The following CDC34 variants were observed in gnomAD, a reference collection of about 807,000 sequenced individuals.
The protein encoded by CDC34 is cell division cycle 34, ubiquitin conjugating enzyme.
In CDC34, 18 loss-of-function variants were observed where a neutral mutation model predicts 26.8. The ratio of observed to expected loss-of-function variants is 0.67; its 90% CI spans 0.47 to 1.00. CDC34 has a LOEUF of 1.00. Ranked by LOEUF, CDC34 falls within the 50% of genes least tolerant of loss-of-function variation. The pLI, the probability that CDC34 is intolerant of heterozygous loss-of-function variation, is 0.00. For missense variants in CDC34, 280 were observed against 334.5 expected (o/e 0.84, Z 1.27); for synonymous variants, 178 against 147.5 (o/e 1.21, Z -1.50).
intron 1 of CDC34, among the ~76,000 whole-genome samples, chr19:533,986 C>T (rs6510824): frequency 0.79 from 119,563 of 152,204 alleles, 47,625 homozygotes; most frequent in East Asian, 0.93. Flanking sequence ...CCAGAGAGAG[C>T]CCTCCACAGC....
At chr19:532,705 C>G (rs1167888458) in intron 1 of CDC34, among the ~76,000 whole-genome samples, 1 of 152,254 alleles carries the variant, frequency 6.6e-6, no homozygotes, top group African/African-American at 2.4e-5. Flanking sequence ...AGCCAGGACC[C>G]GCCTGGAAAG....
At chr19:538,986 C>T (rs1979890624) in intron 4 of CDC34, 2 of 985,346 alleles carry the variant, frequency 2.0e-6, no homozygotes, top group Non-Finnish European at 2.4e-6. Flanking sequence ...GCACCACCTC[C>T]TTGAGATCCC....
chr19:540,943 T>G (rs1190418337), intron 4 of CDC34, among the ~76,000 whole-genome samples: 1 of 152,186 alleles, frequency 6.6e-6, no homozygotes, highest in Admixed American at 6.5e-5. Context: ...CTGCCTCCTG[T>G]CCTTGGGCCC....
Position 541,423 on chromosome 19 carries a change from C to G in CDC34, c.582C>G (p.Thr194=), listed in dbSNP as rs750860829. The G allele has an allele frequency of 1.8e-5, 29 of 1,612,490 alleles. No homozygotes were observed. The highest frequency in any genetic ancestry group is 2.4e-5 in the Non-Finnish European group (28 of 1,179,874). The change falls in exon 5 of 5, where the codon ACC becomes ACG. Residue 194 remains threonine, a synonymous_variant. Transcript: ENST00000215574. ...CGCTGGCCGAGTACTGCGTGAAGAC[C>G]AAGGCGCCGGCGCCCGACGAGGGCT... ...PTTLAEYCVK[T]KAPAPDEGSD...
chr19:537,502 G>A (rs1192401629), intron 4 of CDC34, among the ~76,000 whole-genome samples: 4 of 151,916 alleles, frequency 2.6e-5, no homozygotes, highest in African/African-American at 4.8e-5. Context: ...ACAGGCGCCC[G>A]TCACCACGCC....
At position 541,593 on chromosome 19, in the gene CDC34, C is replaced by G; in HGVS notation, c.*41C>G. ...CTTGCCGAGTTTACCTCACTAGGGC[C>G]GGACCCGTGGCTCCTTAGACGACAG... is the stretch of plus-strand genomic sequence containing the variant. On this transcript the variant is annotated 3_prime_UTR_variant, in exon 5 of 5. Transcript: ENST00000215574. 5 of 1,521,062 alleles carry G rather than the reference C, an allele frequency of 3.3e-6. No individual in the cohort carries two copies. The highest frequency in any genetic ancestry group is 2.3e-5 in the East Asian group (1 of 43,444). 94.2% of individuals were successfully genotyped at this position (1,521,062 alleles called of 1,614,324 possible). A position where few individuals can be genotyped will look rare whatever the true frequency, so the allele number is the denominator to read the frequency against.
chr19:536,401 T>C, intron 3 of CDC34, 61 bp downstream of exon 3: 2 of 1,291,482 alleles, frequency 1.5e-6, no homozygotes, highest in Non-Finnish European at 2.2e-6. Flanking sequence ...CTCCGTCCCG[T>C]ATCCACCCAG....
chr19:540,137 G>A (rs79401086), intron 4 of CDC34, among the ~76,000 whole-genome samples: 1 of 20,166 alleles, frequency 5.0e-5, no homozygotes, highest in African/African-American at 9.5e-5. Context: ...TTTAGAATCC[G>A]GAGGCCGGGG....
chr19:537,173 G>T (rs1278817704), intron 4 of CDC34, 26 bp downstream of exon 4: 1 of 1,610,842 alleles, frequency 6.2e-7, no homozygotes. Context: ...GGCGTCACGG[G>T]AGGAGAGACT....
At chr19:537,936 C>T (rs1449102818) in intron 4 of CDC34, among the ~76,000 whole-genome samples, 1 of 152,356 alleles carries the variant, frequency 6.6e-6, no homozygotes, top group Admixed American at 6.5e-5. Flanking sequence ...GGATGACAGG[C>T]GTGAGCCACT....
intron 4 of CDC34, among the ~76,000 whole-genome samples, chr19:537,520 T>G (rs1437158050): frequency 6.6e-6 from 1 of 151,736 alleles, no homozygotes; most frequent in Non-Finnish European, 1.5e-5. Context: ...GCCCGGCTAA[T>G]TTTTTGTATT....
chr19:541,107 C>T (rs1979990920), intron 4 of CDC34: 5 of 533,494 alleles, frequency 9.4e-6, no homozygotes, highest in Non-Finnish European at 1.6e-5. Flanking sequence ...GGTGTGACTG[C>T]ACTGCGCCCG....
intron 2 of CDC34, 142 bp downstream of exon 2, chr19:536,065 C>T: frequency 4.9e-6 from 5 of 1,024,988 alleles, no homozygotes; most frequent in Non-Finnish European, 5.9e-6. Context: ...CTGGGAGCCT[C>T]ACGTCCTCGT....
chr19:536,054 G>A lies in CDC34; in HGVS notation c.264+131G>A, dbSNP rs147136672. 3.4e-5 allele frequency: 36 copies of A among 1,052,384 alleles called. No individual in the cohort carries two copies. The African/African-American group carries it at 4.0e-4, about 12-fold the overall frequency. 65.2% of individuals were successfully genotyped at this position (1,052,384 alleles called of 1,614,324 possible). ...GTCCTCGTCCTCCGGGACCCGGGGC[G>A]CTGGGAGCCTCACGTCCTCGTCCTT... On this transcript the variant is annotated intron_variant, in intron 2 of 4. Coordinates refer to ENST00000215574, the MANE Select transcript of CDC34 (RefSeq NM_004359.2).
chr19:536,376 A>G (rs28575072), intron 3 of CDC34, 36 bp downstream of exon 3: 2 of 1,499,888 alleles, frequency 1.3e-6, no homozygotes, highest in East Asian at 2.3e-5. Flanking sequence ...CACCCAGAAC[A>G]TCAGGTAGGC....
At position 532,047 on chromosome 19, in the gene CDC34, A is replaced by G; in HGVS notation, c.116A>G (p.Tyr39Cys). Residue 39 changes from tyrosine (Y) to cysteine (C), a missense_variant, in exon 1 of 5, where the codon TAC becomes TGC. Coordinates refer to ENST00000215574, the MANE Select transcript of CDC34 (RefSeq NM_004359.2). Reference protein sequence around the residue: ...RVTLVDEGDLYNWEVAIFGPP... With the variant: ...RVTLVDEGDLCNWEVAIFGPP... ...ACACTGGTGGACGAGGGCGATCTAT[A>G]CAACTGGGAGGTGGCCATCTTCGGG... is the stretch of plus-strand genomic sequence containing the variant. The G allele has an allele frequency of 1.3e-6, 2 of 1,522,620 alleles. No homozygotes were observed. The highest frequency in any genetic ancestry group is 1.7e-6 in the Non-Finnish European group (2 of 1,144,164). 94.3% of individuals were successfully genotyped at this position (1,522,620 alleles called of 1,614,324 possible).
chr19:532,012 A>C lies in CDC34; in HGVS notation c.81A>C (p.Gly27=), dbSNP rs1979510733. Residue 27 remains glycine (G), a synonymous_variant, in exon 1 of 5, where the codon GGA becomes GGC. Transcript: ENST00000215574. ...GGCTGCAGGAAGAGCCGGTCGAGGG[A>C]TTCCGCGTGACACTGGTGGACGAGG... is the stretch of plus-strand genomic sequence containing the variant. The part of the protein sequence containing the change: ...LKGLQEEPVE[G]FRVTLVDEGD... 3 of 1,510,958 alleles carry C rather than the reference A, an allele frequency of 2.0e-6. No individual in the cohort carries two copies. In the Admixed American group the frequency reaches 7.6e-5, roughly 38 times the overall value. 93.6% of individuals were successfully genotyped at this position (1,510,958 alleles called of 1,614,324 possible). A position where few individuals can be genotyped will look rare whatever the true frequency, so the allele number is the denominator to read the frequency against.
intron 1 of CDC34, among the ~76,000 whole-genome samples, chr19:532,783 GC>G (rs773371846): frequency 7.8e-4 from 119 of 152,298 alleles, no homozygotes; most frequent in Non-Finnish European, 1.5e-3. Context: ...TGTAACCTGC[GC>G]CCTCGGGAAG....
intron 1 of CDC34, among the ~76,000 whole-genome samples, chr19:535,003 CT>C (rs1303026774): frequency 6.6e-6 from 1 of 152,234 alleles, no homozygotes; most frequent in African/African-American, 2.4e-5. Flanking sequence ...CCCAGACAAC[CT>C]CTGTGTCTGG....
Sources: allele counts gnomAD v4.1 joint callset (sites outside exome capture counted in the v4.1 genomes callset), GRCh38; gene constraint gnomAD v4.1.1; transcripts MANE v1.5; gene names NCBI Gene and HGNC (gene_info 2026-07-23, HGNC 2026-07-21).